NUDCD3: variants seen among roughly 807,000 people sequenced by gnomAD.
The protein encoded by NUDCD3 is NudC domain containing 3, also known as nudC domain-containing protein 3.
In NUDCD3, 13 loss-of-function variants were observed where a neutral mutation model predicts 39.7. The observed-to-expected ratio is 0.33, with a 90% CI of 0.21 to 0.52. The LOEUF (loss-of-function observed/expected upper bound fraction) is 0.52. NUDCD3 is among the 20% of genes least tolerant of loss of function. NUDCD3 has a pLI of 0.96. For synonymous variants in NUDCD3, 175 were observed against 172.4 expected (o/e 1.02, Z -0.12); for missense variants, 453 against 458.1 (o/e 0.99, Z 0.10).
intron 3 of NUDCD3, among the ~76,000 whole-genome samples, chr7:44,421,292 C>T (rs1270707863): frequency 6.7e-6 from 1 of 150,074 alleles, no homozygotes; most frequent in African/African-American, 2.5e-5. Flanking sequence ...CAAGATTGCG[C>T]CACTGACTCC....
At chr7:44,407,287 C>T (rs1487226606) in intron 3 of NUDCD3, among the ~76,000 whole-genome samples, 4 of 150,672 alleles carry the variant, frequency 2.7e-5, no homozygotes, top group African/African-American at 9.8e-5. Context: ...AAAAAAAGAC[C>T]GGGCATGGTG....
At chr7:44,421,634 T>C (rs1799143910) in intron 3 of NUDCD3, among the ~76,000 whole-genome samples, 1 of 152,002 alleles carries the variant, frequency 6.6e-6, no homozygotes, top group African/African-American at 2.4e-5. Context: ...CCTAAATATA[T>C]ATGCACCCAA....
In NUDCD3 at chr7:44,386,095, C is replaced by A. The variant is rs1458953535; in HGVS notation, c.1002G>T (p.Gly334=). The A allele has an allele frequency of 5.0e-6, 8 of 1,614,016 alleles. No homozygotes were observed. The highest frequency in any genetic ancestry group is 2.2e-5 in the East Asian group (1 of 44,902). ...GGAAGGGAGAACCTTCAGCATCCCA[C>A]CCCTTCTTCAGCATCTCATGGACTT... ...ELKVHEMLKK[G]WDAEGSPFRG... Residue 334 remains glycine, a synonymous_variant, in exon 6 of 6, where the codon GGG becomes GGT. Transcript: ENST00000355451.
intron 1 of NUDCD3, among the ~76,000 whole-genome samples, chr7:44,486,680 C>A (rs534381591): frequency 6.6e-6 from 1 of 152,324 alleles, no homozygotes; most frequent in Non-Finnish European, 1.5e-5. Context: ...CCTGCTGATA[C>A]TCCAGATCTT....
chr7:44,483,045 C>T (rs1396976438), intron 2 of NUDCD3, among the ~76,000 whole-genome samples: 1 of 151,826 alleles, frequency 6.6e-6, no homozygotes, highest in Non-Finnish European at 1.5e-5. Context: ...AAAGGAAGGA[C>T]AAAGAGAAAA....
At chr7:44,480,000 G>C (rs1423835489) in intron 2 of NUDCD3, among the ~76,000 whole-genome samples, 1 of 152,190 alleles carries the variant, frequency 6.6e-6, no homozygotes, top group Non-Finnish European at 1.5e-5. Flanking sequence ...CCAGTCCTTG[G>C]AAAGGTTTGA....
intron 2 of NUDCD3, among the ~76,000 whole-genome samples, chr7:44,465,247 C>T (rs928221309): frequency 1.3e-5 from 2 of 152,218 alleles, no homozygotes; most frequent in African/African-American, 2.4e-5. Flanking sequence ...ATCTCACAGT[C>T]ATCTCACATC....
intron 3 of NUDCD3, among the ~76,000 whole-genome samples, chr7:44,421,109 G>A (rs1357257906): frequency 2.6e-5 from 4 of 152,128 alleles, no homozygotes; most frequent in African/African-American, 9.7e-5. Context: ...CAAGGTGGGT[G>A]GATCACGAGG....
chr7:44,458,936 CTGTGTGTGTGTGTGTGTG>C (rs55947411), intron 2 of NUDCD3, among the ~76,000 whole-genome samples: 60 of 116,150 alleles, frequency 5.2e-4, no homozygotes, highest in Non-Finnish European at 7.3e-4. Context: ...ACGGGGAGTG[CTGTGTGTGTGTGTGTGTG>C]TGTGTGTGTG....
chr7:44,451,597 C>G (rs1390506995), intron 2 of NUDCD3, among the ~76,000 whole-genome samples: 2 of 151,996 alleles, frequency 1.3e-5, no homozygotes, highest in African/African-American at 4.8e-5. Flanking sequence ...TGACAGAAAA[C>G]AGAGCCGTGG....
chr7:44,468,309 C>T, intron 2 of NUDCD3: 2 of 1,470,482 alleles, frequency 1.4e-6, no homozygotes, highest in Middle Eastern at 2.4e-4. Context: ...GAGTAGACAG[C>T]TCGTGTGCAC....
intron 3 of NUDCD3, among the ~76,000 whole-genome samples, chr7:44,405,475 T>C (rs1798802266): frequency 1.3e-5 from 2 of 152,166 alleles, no homozygotes; most frequent in South Asian, 4.1e-4. Flanking sequence ...GAAGAGGAAA[T>C]AAAACAGAAC....
At chr7:44,415,386 G>A (rs1394531023) in intron 3 of NUDCD3, among the ~76,000 whole-genome samples, 1 of 152,164 alleles carries the variant, frequency 6.6e-6, no homozygotes, top group African/African-American at 2.4e-5. Flanking sequence ...AGAGTAGATT[G>A]AGCAAAGAAC....
intron 3 of NUDCD3, among the ~76,000 whole-genome samples, chr7:44,417,154 C>A (rs1479908158): frequency 6.6e-6 from 1 of 152,224 alleles, no homozygotes; most frequent in African/African-American, 2.4e-5. Flanking sequence ...CAAAGCACAG[C>A]CCACACGTTT....
chr7:44,434,926 TCTCGTGACA>T (rs1350563303), intron 2 of NUDCD3, among the ~76,000 whole-genome samples: 1 of 152,114 alleles, frequency 6.6e-6, no homozygotes, highest in African/African-American at 2.4e-5. Context: ...TAAAACAAGG[TCTCGTGACA>T]CTCAGTATTG....
In NUDCD3 at chr7:44,381,671, T is replaced by C. The variant is rs1054377598; in HGVS notation, c.*4340A>G. ...CAGGTCCAGGCAGCTTTCCTGCAAG[T>C]GTTTCCTAAGCTGTCCTTCTCCAGG... On this transcript the variant is annotated 3_prime_UTR_variant, in exon 6 of 6. Coordinates refer to ENST00000355451, the MANE Select transcript of NUDCD3 (RefSeq NM_015332.4). The C allele has an allele frequency of 6.6e-6, 1 of 152,242 alleles. No individual in the cohort carries two copies. Among genetic ancestry groups the C allele is most frequent in the Non-Finnish European group, 1.5e-5 (1 of 68,084 alleles). 9.4% of individuals were successfully genotyped at this position (152,242 alleles called of 1,614,324 possible).
chr7:44,429,921 T>C (rs1358283277), intron 2 of NUDCD3, among the ~76,000 whole-genome samples: 2 of 152,234 alleles, frequency 1.3e-5, no homozygotes, highest in African/African-American at 2.4e-5. Context: ...TTTAGTAATA[T>C]GAAGAAAGCT....
intron 3 of NUDCD3, among the ~76,000 whole-genome samples, chr7:44,417,457 C>CA (rs1799049786): frequency 6.6e-6 from 1 of 152,044 alleles, no homozygotes; most frequent in African/African-American, 2.4e-5. Flanking sequence ...TCTCTTGAGT[C>CA]AAAAAAAGAG....
chr7:44,485,078 C>T lies in NUDCD3; in HGVS notation c.399G>A (p.Val133=), dbSNP rs1199464233. The T allele has an allele frequency of 6.2e-7, 1 of 1,614,160 alleles. No homozygotes were observed. Residue 133 remains valine, a synonymous_variant, in exon 2 of 6, where the codon GTG becomes GTA. Transcript: ENST00000355451. The part of the protein sequence containing the change: ...ELDGHQEVEK[V]QPPGPVKEMA... ...TTTCCTTCACAGGGCCTGGAGGCTG[C>T]ACTTTCTCTACTTCCTGATGCCCAT...
Sources: gnomAD v4.1 joint callset for allele counts (sites outside exome capture counted in the v4.1 genomes callset) on GRCh38, gnomAD v4.1.1 for gene constraint, MANE v1.5 for transcripts, NCBI Gene and HGNC (gene_info 2026-07-23, HGNC 2026-07-21) for gene names.